Variants in METTL15 observed in about 807,000 individuals in gnomAD.
The protein encoded by METTL15 is methyltransferase 15, mitochondrial 12S rRNA N4-cytidine, also known as 12S rRNA N(4)-cytidine methyltransferase METTL15.
METTL15 carries 34 observed loss-of-function variants against 38.3 expected under a neutral mutation model. The ratio of observed to expected loss-of-function variants is 0.89; its 90% CI spans 0.68 to 1.18. The LOEUF is 1.18. Ranked by LOEUF, METTL15 falls within the 50% of genes most tolerant of loss-of-function variation. METTL15 has a pLI of 0.00. For synonymous variants in METTL15, 162 were observed against 170.9 expected, an observed-to-expected ratio of 0.95 and a Z score of 0.41; for missense variants, 438 against 498.4, an observed-to-expected ratio of 0.88 and a Z score of 1.15.
intron 3 of METTL15, among the ~76,000 whole-genome samples, chr11:28,128,959 A>G (rs1160418962): frequency 6.6e-6 from 1 of 152,156 alleles, no homozygotes; most frequent in East Asian, 1.9e-4. Flanking sequence ...ATTTATTCTA[A>G]TGACTCAGAC....
intron 4 of METTL15, among the ~76,000 whole-genome samples, chr11:28,215,548 G>A (rs1852828435): frequency 6.6e-6 from 1 of 151,926 alleles, no homozygotes; most frequent in African/African-American, 2.4e-5. Flanking sequence ...AGCCCCAACA[G>A]TACCTAGAAA....
At chr11:28,268,399 T>A (rs1855518672) in intron 4 of METTL15, among the ~76,000 whole-genome samples, 1 of 152,002 alleles carries the variant, frequency 6.6e-6, no homozygotes, top group Non-Finnish European at 1.5e-5. Context: ...CCTACACAAA[T>A]ATAAGCTCTT....
At chr11:28,234,133 C>T (rs1004820872) in intron 4 of METTL15, among the ~76,000 whole-genome samples, 1 of 152,084 alleles carries the variant, frequency 6.6e-6, no homozygotes, top group Non-Finnish European at 1.5e-5. Flanking sequence ...AGGACATGAA[C>T]TCATCATTTT....
intron 4 of METTL15, among the ~76,000 whole-genome samples, chr11:28,356,689 A>G (rs1244165932): frequency 6.6e-6 from 1 of 152,234 alleles, no homozygotes; most frequent in Non-Finnish European, 1.5e-5. Context: ...TTCAGACCAG[A>G]TGAACCATGC....
intron 5 of METTL15, among the ~76,000 whole-genome samples, chr11:28,383,555 A>G (rs1415702469): frequency 6.6e-6 from 1 of 152,158 alleles, no homozygotes; most frequent in African/African-American, 2.4e-5. Context: ...GCTTTTTACA[A>G]TGGCTGAACT....
chr11:28,403,852 C>T (rs1211018833), intron 5 of METTL15, among the ~76,000 whole-genome samples: 1 of 151,998 alleles, frequency 6.6e-6, no homozygotes, highest in African/African-American at 2.4e-5. Context: ...CATGCATGGG[C>T]AGGGGCTTGG....
At chr11:28,340,934 A>T (rs1422461938) in intron 3 of METTL15, among the ~76,000 whole-genome samples, 1 of 152,382 alleles carries the variant, frequency 6.6e-6, no homozygotes. Context: ...ATGCCCATCA[A>T]TAATAGACTG....
chr11:28,471,758 A>G (rs531928186), intron 6 of METTL15, among the ~76,000 whole-genome samples: 1 of 151,852 alleles, frequency 6.6e-6, no homozygotes, highest in African/African-American at 2.4e-5. Flanking sequence ...TGTTTTTAGA[A>G]AAAAAAAAGT....
intron 5 of METTL15, among the ~76,000 whole-genome samples, chr11:28,377,079 G>A (rs900571421): frequency 3.0e-5 from 4 of 134,484 alleles, no homozygotes; most frequent in African/African-American, 1.0e-4. Flanking sequence ...CTTTCTCTCT[G>A]GCTGCCCTCA....
At chr11:28,490,632 T>A (rs1396145893) in intron 6 of METTL15, among the ~76,000 whole-genome samples, 2 of 152,102 alleles carry the variant, frequency 1.3e-5, no homozygotes, top group African/African-American at 2.4e-5. Context: ...AATGTGCAGT[T>A]AGGGTCGAGC....
intron 3 of METTL15, among the ~76,000 whole-genome samples, chr11:28,188,065 G>A (rs1221348273): frequency 6.6e-6 from 1 of 151,236 alleles, no homozygotes; most frequent in Non-Finnish European, 1.5e-5. Context: ...AGATCAGGTT[G>A]AAATTCTATT....
In METTL15 at chr11:28,391,385, T is replaced by C. The variant is rs535945870; in HGVS notation, c.*358+29349T>C. ...GTGGGTTTGTCATAGATAGCTCTTA[T>C]TATTTTGAGATACGTCCCATCAATA... On this transcript the variant is annotated intron_variant and NMD_transcript_variant, in intron 5 of 7. Coordinates refer to the METTL15 transcript ENST00000532947. Among the ~76,000 whole-genome samples the C allele has an allele frequency of 1.5e-4, 23 of 152,230 alleles. No individual in the cohort carries two copies. In the East Asian group the frequency reaches 1.5e-3, roughly 10 times the overall value.
chr11:28,189,496 A>G (rs192097127), intron 3 of METTL15, among the ~76,000 whole-genome samples: 30 of 151,344 alleles, frequency 2.0e-4, no homozygotes, highest in Admixed American at 1.2e-3. Context: ...GTTTTTTTTT[A>G]TAAACTTCTT....
chr11:28,412,433 A>C (rs1056748387), intron 5 of METTL15, among the ~76,000 whole-genome samples: 3 of 151,312 alleles, frequency 2.0e-5, no homozygotes, highest in Admixed American at 2.0e-4. Flanking sequence ...GAGAGAGAGA[A>C]AGAGACCAAA....
intron 4 of METTL15, among the ~76,000 whole-genome samples, chr11:28,238,018 A>G (rs1019809227): frequency 3.9e-5 from 6 of 152,028 alleles, no homozygotes; most frequent in Non-Finnish European, 8.8e-5. Context: ...CCCCTGCTGG[A>G]GGGTGCCTCC....
Position 28,296,805 on chromosome 11 carries a change from G to C in METTL15, c.652G>C (p.Ala218Pro), listed in dbSNP as rs530610789. 1 of 1,613,460 alleles carries C rather than the reference G, an allele frequency of 6.2e-7. No homozygotes were observed. The highest frequency in any genetic ancestry group is 8.5e-7 in the Non-Finnish European group (1 of 1,179,652). The stretch of plus-strand genomic sequence containing the variant: ...TGTTGTGAATGCTTTAGATCAACAG[G>C]CACTTGCATCTATCCTAAGAACATA... ...ADVVNALDQQ[A>P]LASILRTYGE... The change falls in exon 6 of 7, where the codon GCA becomes CCA. Residue 218 changes from alanine to proline, a missense_variant. Ala to Pro is a conservative substitution (Grantham distance 27, BLOSUM62 -1). Transcript: ENST00000407364.
chr11:28,292,097 G>A (rs760850953), intron 5 of METTL15, among the ~76,000 whole-genome samples: 29 of 151,512 alleles, frequency 1.9e-4, no homozygotes, highest in Non-Finnish European at 1.8e-4. Flanking sequence ...TAGGGTACAT[G>A]TGCACAACAT....
chr11:28,519,741 GTAATATTCTAT>G (rs1272441109), intron 6 of METTL15, among the ~76,000 whole-genome samples: 1 of 151,962 alleles, frequency 6.6e-6, no homozygotes, highest in African/African-American at 2.4e-5. Context: ...GAGCTCCCAT[GTAATATTCTAT>G]TTTGCAGAAA....
At chr11:28,508,587 C>T (rs1851649022) in intron 6 of METTL15, among the ~76,000 whole-genome samples, 1 of 152,192 alleles carries the variant, frequency 6.6e-6, no homozygotes, top group Non-Finnish European at 1.5e-5. Context: ...AGCATATTTT[C>T]ACTTGGTATA....
Sources: gnomAD v4.1 joint callset for allele counts (sites outside exome capture counted in the v4.1 genomes callset) on GRCh38, gnomAD v4.1.1 for gene constraint, MANE v1.5 for transcripts, NCBI Gene and HGNC (gene_info 2026-07-23, HGNC 2026-07-21) for gene names.